Variants in STAB1 observed in about 807,000 individuals in gnomAD.
The protein encoded by STAB1 is stabilin-1.
A neutral mutation model predicts 332.4 loss-of-function variants in STAB1; 250 were observed. The ratio of observed to expected loss-of-function variants is 0.75; its 90% CI spans 0.68 to 0.84. The LOEUF is 0.84. STAB1 is among the 40% of genes least tolerant of loss of function. The pLI is 0.00. For missense variants in STAB1, 3,249 were observed against 3,489.7 expected, an observed-to-expected ratio of 0.93 and a Z score of 1.74; for synonymous variants, 1,475 against 1,390.4, an observed-to-expected ratio of 1.06 and a Z score of -1.35.
In STAB1 at chr3:52,514,473, G is replaced by A. The variant is rs752553353; in HGVS notation, c.3655G>A (p.Val1219Ile). 9.1e-6 allele frequency: 14 copies of A among 1,532,166 alleles called. No homozygotes were observed. Among genetic ancestry groups the A allele is most frequent in the Middle Eastern group, 1.8e-4 (1 of 5,688 alleles). 94.9% of individuals were successfully genotyped at this position (1,532,166 alleles called of 1,614,324 possible). A position where few individuals can be genotyped will look rare whatever the true frequency, so the allele number is the denominator to read the frequency against. ...NSLLGPAHWI[V>I]FYNHSGQPEV... is the part of the protein sequence containing the mutation. ...CCTCCTGGGCCCTGCCCACTGGATC[G>A]TCTTCTACAACCACAGTGGCCAGGT... The change falls in exon 34 of 69, where the codon GTC (valine) becomes ATC (isoleucine). Residue 1219 changes from valine to isoleucine, a missense_variant. By Grantham distance (29) the Val-to-Ile change is conservative. Coordinates refer to ENST00000321725, the MANE Select transcript of STAB1 (RefSeq NM_015136.3).
intron 25 of STAB1, 34 bp downstream of exon 25, chr3:52,510,541 G>A: frequency 4.4e-6 from 7 of 1,597,054 alleles, no homozygotes; most frequent in Non-Finnish European, 5.1e-6. Flanking sequence ...GGGGGCCTTG[G>A]TTCTGGGGGA....
At chr3:52,505,406 C>T (rs1331859188) in intron 14 of STAB1, 25 bp downstream of exon 14, 1 of 1,606,972 alleles carries the variant, frequency 6.2e-7, no homozygotes, top group Admixed American at 1.7e-5. Flanking sequence ...GGGGTCCTAG[C>T]CCATGTGGGC....
At chr3:52,522,989 C>T in intron 62 of STAB1, 36 bp from the exon 63 acceptor site, 2 of 1,596,318 alleles carry the variant, frequency 1.3e-6, no homozygotes, top group Non-Finnish European at 8.6e-7. Context: ...CCCCTTCCCA[C>T]CAATCTGCTG....
intron 10 of STAB1, 99 bp downstream of exon 10, chr3:52,504,254 C>A: frequency 6.6e-7 from 1 of 1,508,628 alleles, no homozygotes; most frequent in Non-Finnish European, 8.9e-7. Flanking sequence ...TTTCTCTGCC[C>A]AGGGCTGTGG....
intron 41 of STAB1, 88 bp downstream of exon 41, chr3:52,516,856 C>T: frequency 6.3e-6 from 10 of 1,596,736 alleles, no homozygotes; most frequent in Non-Finnish European, 8.5e-6. Flanking sequence ...TAGGCCCAGC[C>T]CCCCTCACTG....
At chr3:52,502,269 C>G in intron 5 of STAB1, 41 bp downstream of exon 5, 1 of 1,597,048 alleles carries the variant, frequency 6.3e-7, no homozygotes, top group Non-Finnish European at 8.5e-7. Flanking sequence ...CAGCGTCCAC[C>G]TGGGGGCCCA....
intron 1 of STAB1, 77 bp from the exon 2 acceptor site, chr3:52,501,089 C>A (rs1294259116): frequency 1.9e-6 from 3 of 1,556,726 alleles, no homozygotes; most frequent in East Asian, 2.3e-5. Context: ...GGGGTGTGAG[C>A]CCTTGCAGCA....
At chr3:52,505,503 C>T in intron 14 of STAB1, 122 bp downstream of exon 14, 1 of 1,223,816 alleles carries the variant, frequency 8.2e-7, no homozygotes, top group Non-Finnish European at 1.2e-6. Context: ...TCTGCCCATG[C>T]CCCCGTCCTC....
rs1281876807 is a variant in STAB1, at chr3:52,517,535, CA to C, written c.4564-13del. The C allele has an allele frequency of 2.5e-6, 4 of 1,611,608 alleles. No homozygotes were observed. Among genetic ancestry groups the C allele is most frequent in the Non-Finnish European group, 3.4e-6 (4 of 1,179,404 alleles). On this transcript the variant is annotated splice_polypyrimidine_tract_variant and intron_variant, in intron 43 of 68. Coordinates refer to ENST00000321725, the MANE Select transcript of STAB1 (RefSeq NM_015136.3). ...GTTGGCTCCCAGCAGCCCCACTGAT[CA>C]AGACTGGGGACAGGTCTCCTGCAGC...
Position 52,523,450 on chromosome 3 carries a change from G to A in STAB1, c.7164G>A (p.Glu2388=), listed in dbSNP as rs553627610. Residue 2388 remains glutamate (E), a synonymous_variant, in exon 65 of 69, where the codon GAG becomes GAA. Coordinates refer to ENST00000321725, the MANE Select transcript of STAB1 (RefSeq NM_015136.3). ...DNMTLSGPDL[E]LHASNATLLS... is the part of the protein sequence containing the mutation. Reference sequence around the variant, plus strand: ...AGACGCTGAGTGGCCCAGACTTGGAGCTGCATGCCTCCAACGCCACCCTCC... The same window carrying A: ...AGACGCTGAGTGGCCCAGACTTGGAACTGCATGCCTCCAACGCCACCCTCC... The A allele has an allele frequency of 3.7e-6, 6 of 1,609,440 alleles. No individual in the cohort carries two copies. In the East Asian group the frequency reaches 1.3e-4, roughly 36 times the overall value.
Position 52,516,971 on chromosome 3 carries a change from C to T in STAB1, c.4364-13C>T. 1 of 1,610,432 alleles carries T rather than the reference C, an allele frequency of 6.2e-7. No homozygotes were observed. Among genetic ancestry groups the T allele is most frequent in the South Asian group, 1.1e-5 (1 of 90,752 alleles). ...TGCCTGCTCCTGAGGACTCTCTGGC[C>T]ATCTCCCCTTAGAGGTGGACCCCTG... On this transcript the variant is annotated splice_polypyrimidine_tract_variant and intron_variant, in intron 41 of 68. Transcript: ENST00000321725.
At position 52,504,458 on chromosome 3, in the gene STAB1, C is replaced by A. The variant is rs189501608; in HGVS notation, c.1151-3C>A. On this transcript the variant is annotated splice_region_variant and splice_polypyrimidine_tract_variant and intron_variant, in intron 10 of 68. Transcript: ENST00000321725. ...TCTGATGCTCCCTCACCCTGCCCCC[C>A]AGACCAGGGCTGCCGGGAAATCCTT... 2.4e-5 allele frequency: 39 copies of A among 1,613,866 alleles called. No homozygotes were observed. The highest frequency in any genetic ancestry group is 8.9e-5 in the East Asian group (4 of 44,902).
chr3:52,523,237 G>T lies in STAB1; in HGVS notation c.7036G>T (p.Ala2346Ser). The T allele has an allele frequency of 6.2e-7, 1 of 1,613,282 alleles. No homozygotes were observed. Among genetic ancestry groups the T allele is most frequent in the South Asian group, 1.1e-5 (1 of 91,088 alleles). Residue 2346 changes from alanine (A) to serine (S), a missense_variant, in exon 64 of 69, where the codon GCC becomes TCC. Ala to Ser is a moderately conservative substitution (Grantham distance 99). Coordinates refer to ENST00000321725, the MANE Select transcript of STAB1 (RefSeq NM_015136.3). ...ACCGTGCCAGATGCTATTGGGCTAT[G>T]CCAATGCCACCCAGCGGGGTCTCGA... ...STFYGMLLGYANATQRGLDFL... is the reference protein window; with the variant it reads ...STFYGMLLGYSNATQRGLDFL...
chr3:52,514,283 C>T (rs552281404), intron 33 of STAB1, 70 bp downstream of exon 33: 62 of 1,596,226 alleles, frequency 3.9e-5, no homozygotes, highest in East Asian at 6.7e-5. Flanking sequence ...AATCCCACCA[C>T]GAAGGGACAC....
At chr3:52,523,604 T>G in intron 65 of STAB1, 28 bp downstream of exon 65, 1 of 1,612,748 alleles carries the variant, frequency 6.2e-7, no homozygotes, top group Non-Finnish European at 8.5e-7. Flanking sequence ...CCCACCCTGT[T>G]GGCCCTGGCC....
At chr3:52,522,716 A>G (rs777221004) in intron 61 of STAB1, 28 bp downstream of exon 61, 3 of 1,612,658 alleles carry the variant, frequency 1.9e-6, no homozygotes, top group Non-Finnish European at 2.5e-6. Context: ...GTTGGGGCCA[A>G]GTGTTGGGGG....
Position 52,513,881 on chromosome 3 carries a change from A to G in STAB1, c.3349-2A>G. 6.2e-7 allele frequency: 1 copy of G among 1,606,728 alleles called. No individual in the cohort carries two copies. The highest frequency in any genetic ancestry group is 8.5e-7 in the Non-Finnish European group (1 of 1,174,822). ...CTGACCAGGCCCTGTGCTCTGTACC[A>G]GGTCTTACTGCCCCCCCGAGGGGAT... On this transcript the variant is annotated splice_acceptor_variant, in intron 31 of 68. Coordinates refer to ENST00000321725, the MANE Select transcript of STAB1 (RefSeq NM_015136.3). LOFTEE classifies it high-confidence loss of function.
chr3:52,508,402 G>C (rs1404805464), intron 21 of STAB1, 43 bp downstream of exon 21: 4 of 1,601,650 alleles, frequency 2.5e-6, no homozygotes, highest in Non-Finnish European at 3.4e-6. Context: ...GGGAACACAA[G>C]GACTCCTTCA....
At position 52,521,980 on chromosome 3, in the gene STAB1, G is replaced by A. The variant is rs764894666; in HGVS notation, c.6271+29G>A. On this transcript the variant is annotated intron_variant, in intron 58 of 68. Transcript: ENST00000321725. ...AGCAGATGGGCGGGGACATGGAGGT[G>A]GGAGGCCCCCACTCCCCTGCAGTCA... 92 of 1,606,732 alleles carry A rather than the reference G, an allele frequency of 5.7e-5. No homozygotes were observed. The East Asian group carries it at 2.0e-3, about 35-fold the overall frequency.
Sources: allele counts gnomAD v4.1 joint callset, GRCh38; gene constraint gnomAD v4.1.1; transcripts MANE v1.5; gene names NCBI Gene and HGNC (gene_info 2026-07-23, HGNC 2026-07-21).